The following ZNF521 variants were observed in gnomAD, a reference collection of about 807,000 sequenced individuals.
ZNF521 encodes zinc finger protein 521, also known as LYST-interacting protein 3.
A neutral mutation model predicts 105.5 loss-of-function variants in ZNF521; 14 were observed. The ratio of observed to expected loss-of-function variants is 0.13; its 90% CI spans 0.09 to 0.21. ZNF521 has a LOEUF of 0.21. Among genes scored for constraint, ZNF521 ranks in the 10% least tolerant of loss-of-function variants. The pLI is 1.00. For missense variants in ZNF521, 1,233 were observed against 1,629.7 expected, an observed-to-expected ratio of 0.76 and a Z score of 4.19; for synonymous variants, 635 against 606.0, an observed-to-expected ratio of 1.05 and a Z score of -0.70.
chr18:25,145,704 T>C (rs1460621224), intron 5 of ZNF521, among the ~76,000 whole-genome samples: 1 of 152,154 alleles, frequency 6.6e-6, no homozygotes, highest in African/African-American at 2.4e-5. Flanking sequence ...GTTTAAGAGT[T>C]AACAAGACTA....
intron 3 of ZNF521, among the ~76,000 whole-genome samples, chr18:25,274,700 T>G (rs908358570): frequency 6.6e-6 from 1 of 152,218 alleles, no homozygotes; most frequent in East Asian, 1.9e-4. Context: ...AAGAAATACT[T>G]GCATACTGCC....
At chr18:25,341,038 C>T (rs1278279914) in intron 2 of ZNF521, among the ~76,000 whole-genome samples, 7 of 152,120 alleles carry the variant, frequency 4.6e-5, no homozygotes, top group African/African-American at 9.7e-5. Flanking sequence ...TCTTTTTCTT[C>T]GGTCAGTTAC....
intron 7 of ZNF521, among the ~76,000 whole-genome samples, chr18:25,065,656 A>G (rs1420288652): frequency 2.6e-5 from 4 of 152,132 alleles, no homozygotes; most frequent in African/African-American, 9.7e-5. Context: ...AAACAGTTTA[A>G]TTACATTATT....
chr18:25,097,989 A>G (rs2043112235), intron 5 of ZNF521, among the ~76,000 whole-genome samples: 1 of 152,114 alleles, frequency 6.6e-6, no homozygotes, highest in Non-Finnish European at 1.5e-5. Flanking sequence ...GGGGCTGCCT[A>G]GAGCCCCATA....
At chr18:25,174,009 T>A (rs1189268536) in intron 5 of ZNF521, among the ~76,000 whole-genome samples, 2 of 152,182 alleles carry the variant, frequency 1.3e-5, no homozygotes, top group African/African-American at 4.8e-5. Context: ...ACTAATTAAC[T>A]CAAGAGTTAA....
intron 3 of ZNF521, among the ~76,000 whole-genome samples, chr18:25,255,946 CAT>C (rs141025320): frequency 1.6e-3 from 234 of 142,390 alleles, no homozygotes; most frequent in African/African-American, 5.4e-3. Flanking sequence ...ATATATATGG[CAT>C]ATATATATAT....
chr18:25,246,271 GA>G (rs1402271761), intron 3 of ZNF521, among the ~76,000 whole-genome samples: 1 of 151,934 alleles, frequency 6.6e-6, no homozygotes, highest in Non-Finnish European at 1.5e-5. Flanking sequence ...TGATCTTTAT[GA>G]AAAAAAGCTT....
At chr18:25,292,007 A>G (rs1190558455) in intron 3 of ZNF521, among the ~76,000 whole-genome samples, 2 of 152,150 alleles carry the variant, frequency 1.3e-5, no homozygotes, top group Admixed American at 6.5e-5. Context: ...TCTGGCTCAT[A>G]ATAGGCGCTC....
intron 4 of ZNF521, among the ~76,000 whole-genome samples, chr18:25,212,337 C>T (rs1169511060): frequency 6.6e-6 from 1 of 150,432 alleles, no homozygotes; most frequent in Admixed American, 6.6e-5. Context: ...TAGTGAAACC[C>T]TGTCTCTACT....
At chr18:25,188,324 C>T (rs778792137) in intron 5 of ZNF521, among the ~76,000 whole-genome samples, 2 of 152,130 alleles carry the variant, frequency 1.3e-5, no homozygotes, top group African/African-American at 2.4e-5. Context: ...AGCTGAAGTT[C>T]GACACCCACT....
chr18:25,088,018 C>T lies in ZNF521; in HGVS notation c.3906+1447G>A, dbSNP rs566998038. Among the ~76,000 whole-genome samples the T allele has an allele frequency of 5.3e-5, 8 of 152,232 alleles. No homozygotes were observed. The East Asian group carries it at 1.5e-3, about 29-fold the overall frequency. On this transcript the variant is annotated intron_variant, in intron 7 of 7. Coordinates refer to ENST00000361524, the MANE Select transcript of ZNF521 (RefSeq NM_015461.3). ...GGCCCAAGGAAGCACGAAGTTGCCC[C>T]AGGACCCAATGTGGGATGGAAGACT...
intron 7 of ZNF521, among the ~76,000 whole-genome samples, chr18:25,085,243 G>A (rs1567954933): frequency 6.8e-6 from 1 of 147,226 alleles, no homozygotes; most frequent in African/African-American, 2.5e-5. Flanking sequence ...ATATATATAA[G>A]TATAATATGA....
At chr18:25,280,907 T>C (rs952420388) in intron 3 of ZNF521, among the ~76,000 whole-genome samples, 3 of 152,192 alleles carry the variant, frequency 2.0e-5, no homozygotes, top group Non-Finnish European at 4.4e-5. Context: ...CAAGGGCTCA[T>C]GACAAAGGCT....
intron 2 of ZNF521, among the ~76,000 whole-genome samples, chr18:25,338,133 T>C (rs1483973794): frequency 6.6e-6 from 1 of 152,156 alleles, no homozygotes; most frequent in African/African-American, 2.4e-5. Flanking sequence ...AACAGATATT[T>C]AAGGAACAGT....
chr18:25,317,395 A>AT (rs577811215), intron 3 of ZNF521, among the ~76,000 whole-genome samples: 323 of 152,308 alleles, frequency 2.1e-3, no homozygotes, highest in African/African-American at 7.5e-3. Context: ...AGAGCTGAAC[A>AT]TAAGAATAAC....
intron 5 of ZNF521, among the ~76,000 whole-genome samples, chr18:25,177,982 G>A (rs2035563172): frequency 6.6e-6 from 1 of 152,078 alleles, no homozygotes; most frequent in South Asian, 2.1e-4. Context: ...ATGTAAAAAA[G>A]TATTAACATA....
chr18:25,206,477 A>G (rs2036082200), intron 4 of ZNF521, among the ~76,000 whole-genome samples: 1 of 151,668 alleles, frequency 6.6e-6, no homozygotes, highest in Non-Finnish European at 1.5e-5. Context: ...TATATCTCTA[A>G]TGTATCCTTC....
At chr18:25,121,639 C>G (rs2034446273) in intron 5 of ZNF521, among the ~76,000 whole-genome samples, 1 of 152,086 alleles carries the variant, frequency 6.6e-6, no homozygotes, top group Non-Finnish European at 1.5e-5. Flanking sequence ...TCCCCTTCCC[C>G]ACCACTGGAG....
chr18:25,072,990 G>C (rs1382112347), intron 7 of ZNF521, among the ~76,000 whole-genome samples: 1 of 151,944 alleles, frequency 6.6e-6, no homozygotes, highest in Non-Finnish European at 1.5e-5. Flanking sequence ...CCCCTTCTTC[G>C]TGCTCTAATT....
Sources: gnomAD v4.1 joint callset for allele counts (sites outside exome capture counted in the v4.1 genomes callset) on GRCh38, gnomAD v4.1.1 for gene constraint, MANE v1.5 for transcripts, NCBI Gene and HGNC (gene_info 2026-07-23, HGNC 2026-07-21) for gene names.